The following ATRN variants were observed in gnomAD, a reference collection of about 807,000 sequenced individuals.
ATRN encodes attractin.
A neutral mutation model predicts 178.7 loss-of-function variants in ATRN; 54 were observed. That is an observed-to-expected ratio of 0.30 (90% CI 0.24 to 0.38). ATRN has a LOEUF of 0.38. ATRN is among the 10% of genes least tolerant of loss of function. The probability of loss-of-function intolerance (pLI) is 1.00; values close to 1 mark genes in which losing one functional copy is unlikely to be tolerated. For missense variants in ATRN, 1,443 were observed against 1,815.1 expected, an observed-to-expected ratio of 0.79 and a Z score of 3.73; for synonymous variants, 636 against 663.0, an observed-to-expected ratio of 0.96 and a Z score of 0.63.
At chr20:3,481,399 G>C (rs1302758306) in intron 1 of ATRN, among the ~76,000 whole-genome samples, 1 of 152,150 alleles carries the variant, frequency 6.6e-6, no homozygotes, top group Non-Finnish European at 1.5e-5. Flanking sequence ...GAAGTGCGGT[G>C]GTGCAATCAC....
intron 24 of ATRN, among the ~76,000 whole-genome samples, chr20:3,608,903 G>A (rs969712781): frequency 6.6e-6 from 1 of 150,744 alleles, no homozygotes; most frequent in Non-Finnish European, 1.5e-5. Context: ...GGAGGAGGAG[G>A]CTGCAGTGAG....
chr20:3,559,246 C>T, intron 6 of ATRN, 147 bp from the exon 7 acceptor site: 1 of 643,224 alleles, frequency 1.6e-6, no homozygotes, highest in Non-Finnish European at 2.8e-6. Context: ...GCCCAGGTGT[C>T]AGGTTTATTT....
intron 1 of ATRN, among the ~76,000 whole-genome samples, chr20:3,492,873 A>ATG (rs1491263836): frequency 8.0e-4 from 98 of 121,786 alleles, no homozygotes; most frequent in African/African-American, 3.2e-3. Flanking sequence ...GCGCGTGCGC[A>ATG]CGCACACACA....
At chr20:3,505,541 A>T (rs2085031427) in intron 1 of ATRN, among the ~76,000 whole-genome samples, 2 of 152,218 alleles carry the variant, frequency 1.3e-5, no homozygotes, top group Admixed American at 1.3e-4. Context: ...GGAGAACCCT[A>T]ATATAGGACT....
intron 1 of ATRN, among the ~76,000 whole-genome samples, chr20:3,499,930 A>G (rs1436493203): frequency 6.6e-6 from 1 of 151,438 alleles, no homozygotes. Context: ...TTTGCAACCT[A>G]CTCATCTGAC....
intron 24 of ATRN, among the ~76,000 whole-genome samples, chr20:3,612,420 G>A (rs971638784): frequency 2.6e-5 from 4 of 152,158 alleles, no homozygotes; most frequent in African/African-American, 7.2e-5. Flanking sequence ...TTTTAAAGGA[G>A]CTTATCTGAT....
At chr20:3,591,820 C>T (rs2086448591) in intron 19 of ATRN, among the ~76,000 whole-genome samples, 1 of 152,196 alleles carries the variant, frequency 6.6e-6, no homozygotes, top group African/African-American at 2.4e-5. Context: ...ATCAGGAGGC[C>T]TTGGTGCCTG....
intron 1 of ATRN, among the ~76,000 whole-genome samples, chr20:3,527,950 A>G (rs2085393181): frequency 6.6e-6 from 1 of 152,148 alleles, no homozygotes. Context: ...GGACAGCATT[A>G]GGAGAAATAC....
At chr20:3,639,408 A>G (rs771209420) in intron 27 of ATRN, among the ~76,000 whole-genome samples, 3 of 152,058 alleles carry the variant, frequency 2.0e-5, no homozygotes, top group Admixed American at 6.6e-5. Context: ...GTGCGCAACC[A>G]CGCCCAGCTG....
chr20:3,629,951 T>C lies in ATRN; in HGVS notation c.3864-4360T>C, dbSNP rs566234834. Among the ~76,000 whole-genome samples the C allele has an allele frequency of 3.3e-5, 5 of 150,738 alleles. No individual in the cohort carries two copies. In the South Asian group the frequency reaches 1.0e-3, roughly 32 times the overall value. On this transcript the variant is annotated intron_variant, in intron 25 of 28. Coordinates refer to ENST00000262919, the MANE Select transcript of ATRN (RefSeq NM_139321.3). ...AGCCTCATCATTCTGAGTTTTTTTATTGAGGTTTCATTACATAGGCATGAT... is the reference window on the plus strand; with the variant it reads ...AGCCTCATCATTCTGAGTTTTTTTACTGAGGTTTCATTACATAGGCATGAT...
At position 3,506,143 on chromosome 20, in the gene ATRN, A is replaced by G. The variant is rs185982376; in HGVS notation, c.411-29110A>G. ...AAACCTGAATGCAGTTGACTTATCAATGTCAATATTCTGGTTGTGATACTG... is the reference window on the plus strand; with the variant it reads ...AAACCTGAATGCAGTTGACTTATCAGTGTCAATATTCTGGTTGTGATACTG... On this transcript the variant is annotated intron_variant, in intron 1 of 28. Coordinates refer to ENST00000262919, the MANE Select transcript of ATRN (RefSeq NM_139321.3). Among the ~76,000 whole-genome samples the G allele has an allele frequency of 3.4e-3, 524 of 152,272 alleles. 2 individuals are homozygous for G. Among genetic ancestry groups the G allele is most frequent in the Non-Finnish European group, 5.2e-3 (355 of 68,022 alleles).
rs2084409874 is a variant in ATRN at position 3,471,063 on chromosome 20, G to C, written c.-45G>C. ...CAGGCGAAGCGGAGCCGGCCGTGCG[G>C]TGTGTGTGTATGTGTTCGCGGGGCG... On this transcript the variant is annotated 5_prime_UTR_variant, in exon 1 of 29. Coordinates refer to ENST00000262919, the MANE Select transcript of ATRN (RefSeq NM_139321.3). The C allele has an allele frequency of 2.0e-6, 3 of 1,481,164 alleles. No homozygotes were observed. The highest frequency in any genetic ancestry group is 2.5e-5 in the South Asian group (2 of 78,834). The allele number at this position is 1,481,164 out of a possible 1,614,324, so 91.8% of individuals were successfully genotyped here. A position where few individuals can be genotyped will look rare whatever the true frequency, so the allele number is the denominator to read the frequency against.
intron 22 of ATRN, among the ~76,000 whole-genome samples, chr20:3,600,559 GTT>G (rs1409818667): frequency 6.6e-6 from 1 of 152,112 alleles, no homozygotes; most frequent in East Asian, 1.9e-4. Flanking sequence ...TTGATCAAGT[GTT>G]TTATTGGTAG....
At chr20:3,565,219 G>A (rs2086015456) in intron 10 of ATRN, 129 bp from the exon 11 acceptor site, 1 of 679,074 alleles carries the variant, frequency 1.5e-6, no homozygotes, top group Non-Finnish European at 2.5e-6. Flanking sequence ...AAATGATGTT[G>A]TAACTGAGAA....
At position 3,549,217 on chromosome 20, in the gene ATRN, C is replaced by G. The variant is rs909806675; in HGVS notation, c.991C>G (p.Arg331Gly). Residue 331 changes from arginine to glycine, a missense_variant, in exon 6 of 29, where the codon CGA (arginine) becomes GGA (glycine). Transcript: ENST00000262919. ...PVPANQSFWT[R>G]EEYSNLKLPR... ...ACCAGCTAACCAGTCATTTTGGACT[C>G]GAGAGGAATATTCTAACTTAAAGCT... 6.2e-7 allele frequency: 1 copy of G among 1,610,276 alleles called. No homozygotes were observed. Among genetic ancestry groups the G allele is most frequent in the Non-Finnish European group, 8.5e-7 (1 of 1,178,742 alleles).
At chr20:3,599,605 G>A (rs942203093) in intron 22 of ATRN, among the ~76,000 whole-genome samples, 3 of 152,136 alleles carry the variant, frequency 2.0e-5, no homozygotes, top group African/African-American at 7.2e-5. Context: ...TCAACCAAGC[G>A]TGGAATGAAA....
At chr20:3,584,924 T>C in intron 18 of ATRN, 44 bp downstream of exon 18, 3 of 1,561,582 alleles carry the variant, frequency 1.9e-6, no homozygotes, top group Non-Finnish European at 2.6e-6. Context: ...TCACTACTGA[T>C]TTATGAAGAA....
intron 10 of ATRN, among the ~76,000 whole-genome samples, chr20:3,564,897 C>G (rs1435799195): frequency 6.6e-6 from 1 of 152,124 alleles, no homozygotes; most frequent in East Asian, 1.9e-4. Flanking sequence ...AACCCCATCT[C>G]TACTAAAAAT....
At chr20:3,558,480 C>T (rs1373241845) in intron 6 of ATRN, among the ~76,000 whole-genome samples, 1 of 151,658 alleles carries the variant, frequency 6.6e-6, no homozygotes, top group Non-Finnish European at 1.5e-5. Context: ...TTGGAATATC[C>T]AGGTAAACTT....
Sources: allele counts gnomAD v4.1 joint callset (sites outside exome capture counted in the v4.1 genomes callset), GRCh38; gene constraint gnomAD v4.1.1; transcripts MANE v1.5; gene names NCBI Gene and HGNC (gene_info 2026-07-23, HGNC 2026-07-21).